Variants in PPP2R5A observed in about 807,000 individuals in gnomAD.
PPP2R5A encodes protein phosphatase 2 regulatory subunit B'alpha.
A neutral mutation model predicts 64.2 loss-of-function variants in PPP2R5A; 25 were observed. That is an observed-to-expected ratio of 0.39 (90% CI 0.28 to 0.54). The LOEUF is 0.54. Ranked by LOEUF, PPP2R5A falls within the 20% of genes least tolerant of loss-of-function variation. The pLI is 0.67. For synonymous variants in PPP2R5A, 198 were observed against 201.2 expected (o/e 0.98, Z 0.13); for missense variants, 425 against 576.3 (o/e 0.74, Z 2.69).
chr1:212,287,722 A>G (rs1430663113), intron 1 of PPP2R5A, among the ~76,000 whole-genome samples: 1 of 152,238 alleles, frequency 6.6e-6, no homozygotes, highest in Non-Finnish European at 1.5e-5. Context: ...TTCTTGAATG[A>G]TGTCATAGCT....
chr1:212,301,306 C>T (rs952876459), intron 1 of PPP2R5A, among the ~76,000 whole-genome samples: 1 of 152,142 alleles, frequency 6.6e-6, no homozygotes, highest in African/African-American at 2.4e-5. Flanking sequence ...TCCACCATGC[C>T]CAGCCCAGTT....
At position 212,329,321 on chromosome 1, in the gene PPP2R5A, T is replaced by C. The variant is rs184178657; in HGVS notation, c.368T>C (p.Ile123Thr). The change falls in exon 2 of 13, where the codon ATA (isoleucine) becomes ACA (threonine). Residue 123 changes from isoleucine to threonine, a missense_variant. Around this residue, in one of 4 missense-constraint regions of PPP2R5A, gnomAD observed 140 missense variants for 204.4 expected, o/e 0.68. Transcript: ENST00000261461. ...GVIVESAYSD[I>T]VKMISANIFR... is the part of the protein sequence containing the mutation. ...ATTGTTGAATCAGCGTATTCTGATA[T>C]AGTAAAAATGGTAAGCCTCTAGAAT... 6 of 1,592,778 alleles carry C rather than the reference T, an allele frequency of 3.8e-6. No individual in the cohort carries two copies. Among genetic ancestry groups the C allele is most frequent in the South Asian group, 2.3e-5 (2 of 87,082 alleles).
At chr1:212,346,989 G>A (rs1386438784) in intron 5 of PPP2R5A, among the ~76,000 whole-genome samples, 1 of 152,082 alleles carries the variant, frequency 6.6e-6, no homozygotes, top group Non-Finnish European at 1.5e-5. Context: ...TATTACATAT[G>A]GGTCTTTTTC....
At chr1:212,289,566 G>A (rs1342138680) in intron 1 of PPP2R5A, among the ~76,000 whole-genome samples, 3 of 152,152 alleles carry the variant, frequency 2.0e-5, no homozygotes, top group Non-Finnish European at 4.4e-5. Flanking sequence ...ATAGAGTTGG[G>A]TCTCTGGGGT....
chr1:212,347,182 T>C (rs181971112), intron 5 of PPP2R5A, among the ~76,000 whole-genome samples, 165 bp from the exon 6 acceptor site: 32 of 152,306 alleles, frequency 2.1e-4, no homozygotes, highest in Admixed American at 1.9e-3. Context: ...TTTTTTAAGA[T>C]TGATATGAAT....
At chr1:212,358,499 G>A (rs1004316143) in intron 11 of PPP2R5A, 187 bp from the exon 12 acceptor site, 1 of 397,274 alleles carries the variant, frequency 2.5e-6, no homozygotes, top group African/African-American at 2.1e-5. Context: ...AGTTTTCTTA[G>A]ACTGTCTCTA....
rs938095803 is a variant in PPP2R5A, at chr1:212,289,741, A to T, written c.181+3450A>T. Among the ~76,000 whole-genome samples, 7 of 152,190 alleles carry T rather than the reference A, an allele frequency of 4.6e-5. No homozygotes were observed. The South Asian group carries it at 8.3e-4, about 18-fold the overall frequency. Reference sequence around the variant, plus strand: ...GTTCCCATTCTCTTAAATATTTGAAAATCCAGATTAAAAATATTTTTAAAT... The same window carrying T: ...GTTCCCATTCTCTTAAATATTTGAATATCCAGATTAAAAATATTTTTAAAT... On this transcript the variant is annotated intron_variant, in intron 1 of 12. Transcript: ENST00000261461.
chr1:212,349,433 C>G (rs1019408392), intron 8 of PPP2R5A, among the ~76,000 whole-genome samples, 191 bp downstream of exon 8: 6 of 152,038 alleles, frequency 3.9e-5, no homozygotes, highest in Non-Finnish European at 5.9e-5. Flanking sequence ...TGAGTTATGT[C>G]TTGAATAACC....
intron 1 of PPP2R5A, among the ~76,000 whole-genome samples, chr1:212,328,135 G>T (rs971987832): frequency 6.6e-6 from 1 of 152,184 alleles, no homozygotes; most frequent in Non-Finnish European, 1.5e-5. Flanking sequence ...GCTTTTAGTT[G>T]AGGGGTGCTG....
At chr1:212,305,343 G>C (rs749243737) in intron 1 of PPP2R5A, among the ~76,000 whole-genome samples, 10 of 151,972 alleles carry the variant, frequency 6.6e-5, no homozygotes, top group Non-Finnish European at 1.0e-4. Flanking sequence ...ATTTTTTAAT[G>C]TTACTGATTT....
At chr1:212,338,294 C>G (rs1481167335) in intron 3 of PPP2R5A, among the ~76,000 whole-genome samples, 1 of 152,144 alleles carries the variant, frequency 6.6e-6, no homozygotes, top group Non-Finnish European at 1.5e-5. Flanking sequence ...AGTTATCTTT[C>G]ACTTTTTAGG....
At chr1:212,288,015 CTTTTA>C (rs1368558511) in intron 1 of PPP2R5A, among the ~76,000 whole-genome samples, 8 of 151,990 alleles carry the variant, frequency 5.3e-5, no homozygotes, top group Admixed American at 2.6e-4. Flanking sequence ...ATAGGTTTTG[CTTTTA>C]TTTTATTTAT....
chr1:212,290,450 A>T (rs351401), intron 1 of PPP2R5A, among the ~76,000 whole-genome samples: 45,607 of 152,116 alleles, frequency 0.3, 7,353 homozygotes, highest in Non-Finnish European at 0.37. Context: ...AATTGTTTAC[A>T]AAAGGAAATA....
chr1:212,287,695 C>T (rs185873389), intron 1 of PPP2R5A, among the ~76,000 whole-genome samples: 2,336 of 146,678 alleles, frequency 0.016, 22 homozygotes, highest in Middle Eastern at 0.034. Flanking sequence ...TAATGATAGG[C>T]ATTGCCAAGA....
intron 11 of PPP2R5A, 135 bp from the exon 12 acceptor site, chr1:212,358,549 CTT>C: frequency 1.7e-6 from 1 of 587,998 alleles, no homozygotes; most frequent in South Asian, 2.4e-5. Flanking sequence ...TTACAAACCT[CTT>C]GAGCCTCAGT....
chr1:212,313,635 A>AT (rs1304183413), intron 1 of PPP2R5A: 1 of 151,828 alleles, frequency 6.6e-6, no homozygotes, highest in African/African-American at 2.4e-5. Context: ...TCATATGAGT[A>AT]GCTGGAATAA....
chr1:212,330,558 A>AAG lies in PPP2R5A; in HGVS notation c.378+1228_378+1229dup, dbSNP rs762947700. 1.1e-4 allele frequency among the ~76,000 whole-genome samples: 17 copies of AAG among 151,544 alleles called. 1 individual carries two copies. The South Asian group carries it at 3.3e-3, about 30-fold the overall frequency. On this transcript the variant is annotated intron_variant, in intron 2 of 12. Transcript: ENST00000261461. ...GGAACACCTTGTCTCAAAAAAAAAA[A>AAG]AGTAAAAAAATCCAGTTGGACTAAT... is the stretch of plus-strand genomic sequence containing the variant.
In PPP2R5A at chr1:212,345,922, C is replaced by T. The variant is rs756127485; in HGVS notation, c.693C>T (p.Asn231=). Residue 231 remains asparagine (N), a synonymous_variant, in exon 5 of 13, where the codon AAC becomes AAT. Transcript: ENST00000261461. ...CATTCATCAGAAAACAAATTAACAACATTTTCCTCAGGTAAATTAATCATT... is the reference window on the plus strand; with the variant it reads ...CATTCATCAGAAAACAAATTAACAATATTTTCCTCAGGTAAATTAATCATT... ...LRAFIRKQIN[N]IFLRFIYETE... 3 of 1,595,840 alleles carry T rather than the reference C, an allele frequency of 1.9e-6. No homozygotes were observed. Among genetic ancestry groups the T allele is most frequent in the Non-Finnish European group, 2.6e-6 (3 of 1,171,374 alleles).
intron 3 of PPP2R5A, 49 bp from the exon 4 acceptor site, chr1:212,342,139 T>G (rs1434933296): frequency 1.3e-6 from 2 of 1,594,598 alleles, no homozygotes; most frequent in Non-Finnish European, 1.7e-6. Flanking sequence ...TTATTTAGGG[T>G]AATATTCTGT....
Sources: allele counts gnomAD v4.1 joint callset (sites outside exome capture counted in the v4.1 genomes callset), GRCh38; gene constraint gnomAD v4.1.1; regional missense constraint gnomAD v4.1.1; transcripts MANE v1.5; gene names NCBI Gene and HGNC (gene_info 2026-07-23, HGNC 2026-07-21).